AOPEP: variants seen among roughly 807,000 people sequenced by gnomAD.
AOPEP encodes aminopeptidase O (putative).
In AOPEP, 77 loss-of-function variants were observed where a neutral mutation model predicts 98.1. That is an observed-to-expected ratio of 0.78 (90% CI 0.65 to 0.95). The LOEUF (loss-of-function observed/expected upper bound fraction) is 0.95. AOPEP is among the 40% of genes least tolerant of loss of function. AOPEP has a pLI of 0.00. For synonymous variants in AOPEP, 346 were observed against 365.3 expected, an observed-to-expected ratio of 0.95 and a Z score of 0.60; for missense variants, 1,024 against 1,024.7, an observed-to-expected ratio of 1.00 and a Z score of 0.01.
chr9:95,051,331 A>G (rs111375939), intron 13 of AOPEP, among the ~76,000 whole-genome samples: 28 of 151,760 alleles, frequency 1.8e-4, no homozygotes, highest in African/African-American at 5.8e-4. Context: ...CTTGTGATCT[A>G]TCTGCCTCGG....
At chr9:94,763,480 G>T (rs1838840346) in intron 2 of AOPEP, 1 of 177,220 alleles carries the variant, frequency 5.6e-6, no homozygotes, top group African/African-American at 2.4e-5. Context: ...GTTTCCAAGG[G>T]TTAGTGTGTG....
intron 5 of AOPEP, chr9:94,810,167 C>T (rs991366131): frequency 6.5e-6 from 1 of 154,034 alleles, no homozygotes; most frequent in Non-Finnish European, 1.5e-5. Context: ...GCCGTGCTTC[C>T]TAGGAACTGC....
intron 11 of AOPEP, among the ~76,000 whole-genome samples, chr9:95,000,942 T>C (rs894461148): frequency 6.6e-6 from 1 of 152,082 alleles, no homozygotes; most frequent in Non-Finnish European, 1.5e-5. Context: ...TTCGGTTTCT[T>C]TTAGTGGATA....
chr9:95,088,151 C>T (rs945772969), downstream of AOPEP, among the ~76,000 whole-genome samples: 3 of 151,924 alleles, frequency 2.0e-5, no homozygotes, highest in African/African-American at 7.3e-5. Flanking sequence ...ACGACCGCGG[C>T]TTCCTGTGGA....
intron 13 of AOPEP, chr9:95,006,050 G>C (rs1406496156): frequency 2.1e-6 from 1 of 472,826 alleles, no homozygotes; most frequent in African/African-American, 2.0e-5. Context: ...GAAAGAAGTG[G>C]ATTACTTTTA....
intron 13 of AOPEP, 58 bp from the exon 14 acceptor site, chr9:95,060,636 G>A: frequency 9.1e-7 from 1 of 1,094,004 alleles, no homozygotes; most frequent in Non-Finnish European, 1.4e-6. Flanking sequence ...TGAACATTTG[G>A]GTGTTGTTTC....
intron 5 of AOPEP, among the ~76,000 whole-genome samples, chr9:94,858,052 G>A (rs760644070): frequency 4.7e-5 from 7 of 150,102 alleles, no homozygotes; most frequent in Admixed American, 1.3e-4. Flanking sequence ...GAGCTACCAC[G>A]TCTGGCCTGA....
At chr9:94,737,755 C>T (rs1411879318) in intron 1 of AOPEP, among the ~76,000 whole-genome samples, 2 of 152,118 alleles carry the variant, frequency 1.3e-5, no homozygotes, top group Admixed American at 6.5e-5. Context: ...ATGTGGTGTG[C>T]TTAAGAGTGA....
At chr9:94,807,813 T>G (rs1849564472) in intron 5 of AOPEP, among the ~76,000 whole-genome samples, 1 of 152,234 alleles carries the variant, frequency 6.6e-6, no homozygotes. Context: ...TGTAAGTATT[T>G]CTTTTAAGGG....
chr9:95,043,790 A>G (rs767893542), intron 13 of AOPEP, among the ~76,000 whole-genome samples: 17 of 152,146 alleles, frequency 1.1e-4, no homozygotes, highest in Non-Finnish European at 2.1e-4. Context: ...TCAGCCTCCC[A>G]AGTAGCTGGG....
rs539095170 is a variant in AOPEP at position 94,917,689 on chromosome 9, C to T, written c.1365-6297C>T. Among the ~76,000 whole-genome samples the T allele has an allele frequency of 7.3e-4, 111 of 152,262 alleles. 1 individual carries two copies. The highest frequency in any genetic ancestry group is 2.6e-3 in the African/African-American group (108 of 41,548). ...TATAGTATCACTGCTACTTCCCTAA[C>T]CTCAGTTTCTCTCTCCTTCATCTTG... On this transcript the variant is annotated intron_variant, in intron 5 of 16. Coordinates refer to ENST00000375315, the MANE Select transcript of AOPEP (RefSeq NM_001193329.3).
chr9:94,805,200 C>A (rs1848990735), intron 5 of AOPEP, among the ~76,000 whole-genome samples: 1 of 151,154 alleles, frequency 6.6e-6, no homozygotes, highest in South Asian at 2.1e-4. Context: ...ACCGTAGATA[C>A]CTATACCATC....
At chr9:95,083,585 GCA>G (rs1257337486) in intron 16 of AOPEP, among the ~76,000 whole-genome samples, 8 of 148,206 alleles carry the variant, frequency 5.4e-5, no homozygotes, top group Admixed American at 2.0e-4. Context: ...ACAACACAGA[GCA>G]CACACAGCAC....
At chr9:94,828,442 C>T (rs959153937) in intron 5 of AOPEP, among the ~76,000 whole-genome samples, 1 of 152,042 alleles carries the variant, frequency 6.6e-6, no homozygotes, top group African/African-American at 2.4e-5. Flanking sequence ...ATCTACTTAT[C>T]CCAGATTTTT....
chr9:94,971,996 T>C (rs1287964053), intron 10 of AOPEP, among the ~76,000 whole-genome samples: 2 of 130,748 alleles, frequency 1.5e-5, no homozygotes, highest in Non-Finnish European at 1.5e-5. Flanking sequence ...GAGGGCAGTG[T>C]GGCCGAGGGC....
At chr9:95,011,105 G>A (rs972896480) in intron 13 of AOPEP, among the ~76,000 whole-genome samples, 3 of 151,638 alleles carry the variant, frequency 2.0e-5, no homozygotes, top group Non-Finnish European at 4.4e-5. Context: ...GCTGATAAAA[G>A]GTATTTTTGG....
intron 13 of AOPEP, among the ~76,000 whole-genome samples, chr9:95,009,480 G>A (rs867122545): frequency 4.6e-5 from 7 of 152,210 alleles, no homozygotes; most frequent in Middle Eastern, 3.4e-3. Context: ...TATATAGTAA[G>A]CGGAGAACTA....
At chr9:95,072,260 C>T (rs1168577567) in intron 14 of AOPEP, among the ~76,000 whole-genome samples, 1 of 152,194 alleles carries the variant, frequency 6.6e-6, no homozygotes, top group African/African-American at 2.4e-5. Context: ...CTGCTTTGAC[C>T]AAAAGGCCAA....
intron 5 of AOPEP, among the ~76,000 whole-genome samples, chr9:94,830,678 A>G (rs571454925): frequency 6.6e-6 from 1 of 152,338 alleles, no homozygotes; most frequent in Admixed American, 6.5e-5. Flanking sequence ...CAAGTGTAAA[A>G]GCATTCTTTT....
Sources: allele counts gnomAD v4.1 joint callset (sites outside exome capture counted in the v4.1 genomes callset), GRCh38; gene constraint gnomAD v4.1.1; transcripts MANE v1.5; gene names NCBI Gene and HGNC (gene_info 2026-07-23, HGNC 2026-07-21).